Variants in CASZ1 observed in about 807,000 individuals in gnomAD.
CASZ1 encodes castor zinc finger 1, also known as zinc finger protein castor homolog 1.
In CASZ1, 28 loss-of-function variants were observed where a neutral mutation model predicts 135.2. The ratio of observed to expected loss-of-function variants is 0.21; its 90% CI spans 0.15 to 0.28. The LOEUF (loss-of-function observed/expected upper bound fraction) is 0.28. CASZ1 is among the 10% of genes least tolerant of loss of function. The probability of loss-of-function intolerance (pLI) is 1.00; values close to 1 mark genes in which losing one functional copy is unlikely to be tolerated. For missense variants in CASZ1, 2,161 were observed against 2,453.3 expected, an observed-to-expected ratio of 0.88 and a Z score of 2.52; for synonymous variants, 1,068 against 1,073.4, an observed-to-expected ratio of 0.99 and a Z score of 0.10.
At chr1:10,728,683 C>T (rs192640991) in intron 2 of CASZ1, among the ~76,000 whole-genome samples, 150 of 152,032 alleles carry the variant, frequency 9.9e-4, no homozygotes, top group African/African-American at 3.4e-3. Context: ...ATGGAGACCC[C>T]GGCTTGAAAA....
intron 18 of CASZ1, among the ~76,000 whole-genome samples, chr1:10,644,258 G>A (rs1394651778): frequency 2.0e-5 from 3 of 152,198 alleles, no homozygotes; most frequent in Non-Finnish European, 2.9e-5. Context: ...GTGAACAGGG[G>A]CCAGGGGCTC....
intron 2 of CASZ1, among the ~76,000 whole-genome samples, chr1:10,713,567 G>T (rs1238880668): frequency 6.6e-6 from 1 of 152,180 alleles, no homozygotes; most frequent in Non-Finnish European, 1.5e-5. Flanking sequence ...CCCCCTCTCT[G>T]GTTCTAAGGC....
At chr1:10,667,808 C>T (rs1643280717) in intron 4 of CASZ1, among the ~76,000 whole-genome samples, 1 of 151,894 alleles carries the variant, frequency 6.6e-6, no homozygotes, top group Non-Finnish European at 1.5e-5. Context: ...CTCCCCGGGC[C>T]CCCACCCATC....
rs373571645 is a variant in CASZ1, at chr1:10,646,138, C to T, written c.3686G>A (p.Cys1229Tyr). The T allele has an allele frequency of 1.2e-6, 2 of 1,613,990 alleles. No homozygotes were observed. Among genetic ancestry groups the T allele is most frequent in the Non-Finnish European group, 1.7e-6 (2 of 1,180,028 alleles). ...TACCGCCATGCTGACCTGGTTGGGA[C>T]AGAGACACTGCAGAGAGTAGTATGC... Reference protein sequence around the residue: ...QFAYYSLQCLCPNQHCEFRMR... With the variant: ...QFAYYSLQCLYPNQHCEFRMR... The change falls in exon 17 of 21, where the codon TGT becomes TAT. Residue 1229 changes from cysteine to tyrosine, a missense_variant. By Grantham distance (194) the Cys-to-Tyr change is radical. Coordinates refer to ENST00000377022, the MANE Select transcript of CASZ1 (RefSeq NM_001079843.3). The surrounding 1 kb of genome is among the most constrained non-coding windows in gnomAD (Gnocchi z 6.4).
chr1:10,653,402 G>C lies in CASZ1; in HGVS notation c.2655C>G (p.Leu885=), dbSNP rs17854731. ...PMMARLAAAA[L]KPSATFDPGS... Reference sequence around the variant, plus strand: ...CTGGGTCAAAGGTGGCAGAGGGCTTGAGGGCAGCTGCAGCCAGCCTGGCCA... The same window carrying C: ...CTGGGTCAAAGGTGGCAGAGGGCTTCAGGGCAGCTGCAGCCAGCCTGGCCA... The change falls in exon 11 of 21, where the codon CTC becomes CTG. Residue 885 remains leucine, a synonymous_variant. Transcript: ENST00000377022. The C allele has an allele frequency of 1.5e-5, 24 of 1,613,296 alleles. No individual in the cohort carries two copies. The highest frequency in any genetic ancestry group is 2.7e-5 in the African/African-American group (2 of 75,074).
Position 10,706,130 on chromosome 1 carries a change from C to T in CASZ1, c.-76-586G>A, listed in dbSNP as rs147210268. ...AGGCTGCCGACAGCACCTTCCACCCCGGGGTCCTACCCATGAGTCATCACA... is the reference window on the plus strand; with the variant it reads ...AGGCTGCCGACAGCACCTTCCACCCTGGGGTCCTACCCATGAGTCATCACA... On this transcript the variant is annotated intron_variant, in intron 2 of 20. Transcript: ENST00000377022. The surrounding 1 kb of genome is among the most constrained non-coding windows in gnomAD (Gnocchi z 4.3). 3.0e-3 allele frequency among the ~76,000 whole-genome samples: 452 copies of T among 152,360 alleles called. 6 individuals carry two copies. In the East Asian group the frequency reaches 0.055, roughly 19 times the overall value.
rs1642391252 is a variant in CASZ1, at chr1:10,647,326, C to T, written c.3497+475G>A. 2.0e-6 allele frequency: 2 copies of T among 1,006,606 alleles called. No homozygotes were observed. Among genetic ancestry groups the T allele is most frequent in the Non-Finnish European group, 1.2e-6 (1 of 841,934 alleles). The allele number at this position is 1,006,606 out of a possible 1,614,324, so 62.4% of individuals were successfully genotyped here. On this transcript the variant is annotated intron_variant, in intron 16 of 20. Transcript: ENST00000377022. The surrounding 1 kb of genome is among the most constrained non-coding windows in gnomAD (Gnocchi z 4.9). ...ACCATCCAGTGAGGAGGGTCCCTTCCACCCAAGAGCTCAGACCACTGTGCA... is the reference window on the plus strand; with the variant it reads ...ACCATCCAGTGAGGAGGGTCCCTTCTACCCAAGAGCTCAGACCACTGTGCA...
Position 10,756,171 on chromosome 1 carries a change from C to T in CASZ1, c.-77+4530G>A, listed in dbSNP as rs1010784847. On this transcript the variant is annotated intron_variant, in intron 2 of 20. Coordinates refer to ENST00000377022, the MANE Select transcript of CASZ1 (RefSeq NM_001079843.3). The surrounding 1 kb of genome is among the most constrained non-coding windows in gnomAD (Gnocchi z 5.9). ...AGGCCTGGGAGAGCCCCACCACTCC[C>T]GCAAGCCGCTGCCAGCCTGCACTTC... Among the ~76,000 whole-genome samples the T allele has an allele frequency of 1.3e-5, 2 of 152,110 alleles. No homozygotes were observed. The highest frequency in any genetic ancestry group is 2.1e-4 in the South Asian group (1 of 4,824).
Position 10,653,543 on chromosome 1 carries a change from C to T in CASZ1, c.2514G>A (p.Thr838=), listed in dbSNP as rs774272960. ...AGTCTCCAGCTCCCGAGGCGACCAG[C>T]GTGGGTGTGTCAGGGGTGGCTGAGG... The part of the protein sequence containing the change: ...SAASATPDTP[T]LVASGAGDSA... Residue 838 remains threonine, a synonymous_variant, in exon 11 of 21, where the codon ACG becomes ACA. Coordinates refer to ENST00000377022, the MANE Select transcript of CASZ1 (RefSeq NM_001079843.3). 1.1e-5 allele frequency: 17 copies of T among 1,595,084 alleles called. No individual in the cohort carries two copies. Among genetic ancestry groups the T allele is most frequent in the South Asian group, 4.5e-5 (4 of 88,246 alleles).
rs1343119867 is a variant in CASZ1, at chr1:10,649,373, G to C, written c.2945C>G (p.Pro982Arg). The C allele has an allele frequency of 6.2e-7, 1 of 1,607,316 alleles. No homozygotes were observed. The highest frequency in any genetic ancestry group is 8.5e-7 in the Non-Finnish European group (1 of 1,177,414). Residue 982 changes from proline (P) to arginine (R), a missense_variant, in exon 14 of 21, where the codon CCC (proline) becomes CGC (arginine). Pro to Arg is a moderately radical substitution (Grantham distance 103). Transcript: ENST00000377022. ...TAGGAAGGGCGAGGGCTCCGCAGCG[G>C]GGCTCCCCTCCGCTTCCGCCTTGAT... Reference protein sequence around the residue: ...LNIKAEAEGSPAAEPSPFLGK... With the variant: ...LNIKAEAEGSRAAEPSPFLGK...
At chr1:10,714,542 G>A (rs1351925722) in intron 2 of CASZ1, among the ~76,000 whole-genome samples, 3 of 152,158 alleles carry the variant, frequency 2.0e-5, no homozygotes, top group Non-Finnish European at 4.4e-5. Flanking sequence ...TGGTGCTGAC[G>A]GGCACCCCCC....
Position 10,654,575 on chromosome 1 carries a change from A to G in CASZ1, c.1682T>C (p.Val561Ala). The change falls in exon 10 of 21, where the codon GTG (valine) becomes GCG (alanine). Residue 561 changes from valine (V) to alanine (A), a missense_variant. By Grantham distance (64) the Val-to-Ala change is moderately conservative. This residue lies in a region of CASZ1 where 248 missense variants were observed against 410.8 expected (regional missense o/e 0.60). Coordinates refer to ENST00000377022, the MANE Select transcript of CASZ1 (RefSeq NM_001079843.3). ...YHCMQVGCNK[V>A]YTSTSDVMTH... The stretch of plus-strand genomic sequence containing the variant: ...CATCACGTCAGACGTGCTCGTGTAC[A>G]CCTTGTTACAGCCCACCTGCACAGG... 6.2e-7 allele frequency: 1 copy of G among 1,614,042 alleles called. No individual in the cohort carries two copies. The highest frequency in any genetic ancestry group is 8.5e-7 in the Non-Finnish European group (1 of 1,179,984).
intron 1 of CASZ1, among the ~76,000 whole-genome samples, chr1:10,790,272 G>A (rs1417062818): frequency 2.6e-5 from 4 of 152,208 alleles, no homozygotes; most frequent in Non-Finnish European, 4.4e-5. Context: ...TCCCAACCAC[G>A]CCACGTATCC....
intron 4 of CASZ1, among the ~76,000 whole-genome samples, chr1:10,688,929 G>C (rs768315610): frequency 2.6e-5 from 4 of 152,108 alleles, no homozygotes; most frequent in Non-Finnish European, 5.9e-5. Flanking sequence ...CTTGCCGTGG[G>C]GACCCACGGG....
chr1:10,768,870 G>A (rs1640524476), intron 1 of CASZ1, among the ~76,000 whole-genome samples: 1 of 152,224 alleles, frequency 6.6e-6, no homozygotes, highest in Admixed American at 6.5e-5. Context: ...GCTAGGCATG[G>A]TAGCTCATGC....
In CASZ1 at chr1:10,679,637, C is replaced by T. The variant is rs1638348212; in HGVS notation, c.17-14066G>A. Among the ~76,000 whole-genome samples, 2 of 152,202 alleles carry T rather than the reference C, an allele frequency of 1.3e-5. No individual in the cohort carries two copies. The highest frequency in any genetic ancestry group is 6.5e-5 in the Admixed American group (1 of 15,290). On this transcript the variant is annotated intron_variant, in intron 4 of 20. Transcript: ENST00000377022. This position sits in a 1 kb window ranked among gnomAD's most constrained non-coding sequence, Gnocchi z 4.7. Reference sequence around the variant, plus strand: ...GGGTCGAGTGGGTGGTGGGTCTGGGCTCTGTCCACATCCTGTGCCTGCACG... The same window carrying T: ...GGGTCGAGTGGGTGGTGGGTCTGGGTTCTGTCCACATCCTGTGCCTGCACG...
intron 2 of CASZ1, among the ~76,000 whole-genome samples, chr1:10,731,721 G>T (rs1286891969): frequency 6.6e-6 from 1 of 152,180 alleles, no homozygotes; most frequent in African/African-American, 2.4e-5. Context: ...GTCTGTGATA[G>T]TCTGCAAAGG....
At chr1:10,736,420 C>T (rs1190919355) in intron 2 of CASZ1, among the ~76,000 whole-genome samples, 1 of 152,182 alleles carries the variant, frequency 6.6e-6, no homozygotes, top group East Asian at 1.9e-4. Flanking sequence ...TCCTCAGGCC[C>T]CTCCCTGGGA....
rs1178016292 is a variant in CASZ1, at chr1:10,706,220, C to T, written c.-76-676G>A. On this transcript the variant is annotated intron_variant, in intron 2 of 20. Coordinates refer to ENST00000377022, the MANE Select transcript of CASZ1 (RefSeq NM_001079843.3). This position sits in a 1 kb window ranked among gnomAD's most constrained non-coding sequence, Gnocchi z 4.3. ...CAGACAACGTGGAGGCTTTAACCAACACGCGGCCTGGCCCAGCGTGCCAGG... is the reference window on the plus strand; with the variant it reads ...CAGACAACGTGGAGGCTTTAACCAATACGCGGCCTGGCCCAGCGTGCCAGG... 1.3e-5 allele frequency among the ~76,000 whole-genome samples: 2 copies of T among 152,222 alleles called. No homozygotes were observed. The highest frequency in any genetic ancestry group is 2.9e-5 in the Non-Finnish European group (2 of 68,036).
Sources: gnomAD v4.1 joint callset for allele counts (sites outside exome capture counted in the v4.1 genomes callset) on GRCh38, gnomAD v4.1.1 for gene constraint, gnomAD v4.1.1 regional missense constraint, Gnocchi (gnomAD v3.1) non-coding constraint, MANE v1.5 for transcripts, NCBI Gene and HGNC (gene_info 2026-07-23, HGNC 2026-07-21) for gene names.